Variants in VKORC1L1 observed in about 807,000 individuals in gnomAD.
VKORC1L1 encodes vitamin K epoxide reductase complex subunit 1-like protein 1.
A neutral mutation model predicts 18.9 loss-of-function variants in VKORC1L1; 2 were observed. The observed-to-expected ratio is 0.11, with a 90% confidence interval of 0.04 to 0.33. The LOEUF (loss-of-function observed/expected upper bound fraction) is 0.33. Among genes scored for constraint, VKORC1L1 ranks in the 10% least tolerant of loss-of-function variants. The pLI is 1.00. For synonymous variants in VKORC1L1, 96 were observed against 100.0 expected, an observed-to-expected ratio of 0.96 and a Z score of 0.24; for missense variants, 123 against 224.1, an observed-to-expected ratio of 0.55 and a Z score of 2.88.
intron 1 of VKORC1L1, among the ~76,000 whole-genome samples, chr7:65,886,961 T>A (rs1042180786): frequency 6.7e-6 from 1 of 148,272 alleles, no homozygotes; most frequent in Non-Finnish European, 1.5e-5. Flanking sequence ...GCTATTCTCC[T>A]GCCTCAGCCT....
chr7:65,909,690 T>TTGTGTGTGTGTG lies in VKORC1L1; in HGVS notation c.194+36162_194+36173dup, dbSNP rs56074368. On this transcript the variant is annotated intron_variant, in intron 1 of 2. Coordinates refer to ENST00000360768, the MANE Select transcript of VKORC1L1 (RefSeq NM_173517.6). The stretch of plus-strand genomic sequence containing the variant: ...AAGCTTCTAACTTTTGTTTTAGCCT[T>TTGTGTGTGTGTG]TGTGTGTGTGTGTGTGTGTGTGTGT... 7.4e-3 allele frequency among the ~76,000 whole-genome samples: 913 copies of TTGTGTGTGTGTG among 123,804 alleles called. 20 individuals carry two copies. The highest frequency in any genetic ancestry group is 0.014 in the Admixed American group (163 of 11,934). 81.2% of individuals were successfully genotyped at this position (123,804 alleles called of 152,430 possible).
intron 1 of VKORC1L1, among the ~76,000 whole-genome samples, chr7:65,882,728 T>C (rs1272726855): frequency 6.6e-6 from 1 of 152,256 alleles, no homozygotes; most frequent in Non-Finnish European, 1.5e-5. Context: ...CATTCAGTAC[T>C]ATTAGAACTG....
rs185937271 is a variant in VKORC1L1, at chr7:65,911,402, A to G, written c.195-37269A>G. ...TTGTATACATTTAGGTAGTTGGTAA[A>G]ATAGGCATAGCATTTCCCACATAAC... On this transcript the variant is annotated intron_variant, in intron 1 of 2. Transcript: ENST00000360768. 3.9e-5 allele frequency among the ~76,000 whole-genome samples: 6 copies of G among 152,326 alleles called. No individual in the cohort carries two copies. In the East Asian group the frequency reaches 1.2e-3, roughly 29 times the overall value.
At chr7:65,892,433 C>T (rs762829256) in intron 1 of VKORC1L1, among the ~76,000 whole-genome samples, 10 of 152,190 alleles carry the variant, frequency 6.6e-5, no homozygotes, top group Non-Finnish European at 1.3e-4. Flanking sequence ...ACATCCTCAC[C>T]ATCATCTCAT....
rs565189134 is a variant in VKORC1L1, at chr7:65,927,895, G to A, written c.195-20776G>A. Among the ~76,000 whole-genome samples, 4 of 152,242 alleles carry A rather than the reference G, an allele frequency of 2.6e-5. 1 individual carries two copies. Among genetic ancestry groups the A allele is most frequent in the Middle Eastern group, 6.8e-3 (2 of 294 alleles). On this transcript the variant is annotated intron_variant, in intron 1 of 2. Transcript: ENST00000360768. ...AATTATTTGGTGGGGTGGGGAGAGG[G>A]TAGTTAAGGGGGCCCCAACTGATAG...
At chr7:65,878,311 G>A (rs1183609544) in intron 1 of VKORC1L1, among the ~76,000 whole-genome samples, 2 of 152,096 alleles carry the variant, frequency 1.3e-5, no homozygotes, top group Non-Finnish European at 2.9e-5. Flanking sequence ...GCCGGGCATG[G>A]TGGTGGGCAC....
At chr7:65,877,350 C>CT (rs796646643) in intron 1 of VKORC1L1, among the ~76,000 whole-genome samples, 5,208 of 144,024 alleles carry the variant, frequency 0.036, 115 homozygotes, top group African/African-American at 0.051. Flanking sequence ...GCAGAATATT[C>CT]TTTTTTTTTT....
chr7:65,900,445 A>G (rs1296832384), intron 1 of VKORC1L1, among the ~76,000 whole-genome samples: 1 of 151,974 alleles, frequency 6.6e-6, no homozygotes, highest in African/African-American at 2.4e-5. Context: ...CACAAAACAG[A>G]TCATCATTCT....
At position 65,885,460 on chromosome 7, in the gene VKORC1L1, G is replaced by GT. The variant is rs893201155; in HGVS notation, c.194+11905dup. ...GAAAATCTTTCACATATTTATAGTT[G>GT]TTTTTTTTTTCTGGTTTAGCAAAAT... On this transcript the variant is annotated intron_variant, in intron 1 of 2. Coordinates refer to ENST00000360768, the MANE Select transcript of VKORC1L1 (RefSeq NM_173517.6). Among the ~76,000 whole-genome samples, 725 of 142,930 alleles carry GT rather than the reference G, an allele frequency of 5.1e-3. 1 individual carries two copies. Among genetic ancestry groups the GT allele is most frequent in the Non-Finnish European group, 6.9e-3 (446 of 64,876 alleles). The allele number at this position is 142,930 out of a possible 152,430, so 93.8% of individuals were successfully genotyped here.
rs1427402840 is a variant in VKORC1L1, at chr7:65,932,548, CA to C, written c.195-16119del. Among the ~76,000 whole-genome samples the C allele has an allele frequency of 2.0e-5, 3 of 152,278 alleles. No homozygotes were observed. The East Asian group carries it at 5.8e-4, about 29-fold the overall frequency. On this transcript the variant is annotated intron_variant, in intron 1 of 2. Coordinates refer to ENST00000360768, the MANE Select transcript of VKORC1L1 (RefSeq NM_173517.6). ...TAATTTGTTATATTTTTATTCAGTT[CA>C]AAATTTGTTATTTCCTTGAGACTTC...
intron 1 of VKORC1L1, among the ~76,000 whole-genome samples, chr7:65,916,132 A>AT (rs1385157314): frequency 6.6e-6 from 1 of 151,328 alleles, no homozygotes; most frequent in African/African-American, 2.4e-5. Flanking sequence ...AAAAAAAAAA[A>AT]AGAGGAAACA....
intron 1 of VKORC1L1, among the ~76,000 whole-genome samples, chr7:65,877,644 A>G (rs1320756675): frequency 6.6e-6 from 1 of 152,218 alleles, no homozygotes. Context: ...CACCGTGTCC[A>G]GCTGTAATAT....
intron 1 of VKORC1L1, among the ~76,000 whole-genome samples, chr7:65,921,901 T>A (rs1789682549): frequency 1.3e-5 from 2 of 151,982 alleles, no homozygotes; most frequent in African/African-American, 2.4e-5. Context: ...TTACCCAGGC[T>A]GGTTTCAAAC....
intron 1 of VKORC1L1, among the ~76,000 whole-genome samples, chr7:65,907,555 A>C (rs1789426519): frequency 6.6e-6 from 1 of 152,206 alleles, no homozygotes; most frequent in Non-Finnish European, 1.5e-5. Flanking sequence ...AGAAAGAGAA[A>C]TGTAGATTGC....
chr7:65,938,346 T>A (rs1562653741), intron 1 of VKORC1L1, among the ~76,000 whole-genome samples: 1 of 151,746 alleles, frequency 6.6e-6, no homozygotes, highest in Non-Finnish European at 1.5e-5. Context: ...TTTGGGAGAG[T>A]ATATCATGGT....
chr7:65,928,861 G>GTGACCACC (rs1554300760), intron 1 of VKORC1L1, among the ~76,000 whole-genome samples: 12 of 152,192 alleles, frequency 7.9e-5, no homozygotes, highest in African/African-American at 2.9e-4. Context: ...AGCAATGTGT[G>GTGACCACC]AGAGTTTCAG....
At chr7:65,945,575 G>C (rs1162423329) in intron 1 of VKORC1L1, among the ~76,000 whole-genome samples, 1 of 148,724 alleles carries the variant, frequency 6.7e-6, no homozygotes, top group Non-Finnish European at 1.5e-5. Context: ...TCGCGCCACT[G>C]CACTCCAGCC....
chr7:65,883,136 C>CTTT lies in VKORC1L1; in HGVS notation c.194+9591_194+9593dup, dbSNP rs34906605. Reference sequence around the variant, plus strand: ...TCATTATACATGTTATACATTTGAGCTTTTTTTTTTTTTTTTTTTTTTGGA... The same window carrying CTTT: ...TCATTATACATGTTATACATTTGAGCTTTTTTTTTTTTTTTTTTTTTTTTTGGA... On this transcript the variant is annotated intron_variant, in intron 1 of 2. Coordinates refer to ENST00000360768, the MANE Select transcript of VKORC1L1 (RefSeq NM_173517.6). Among the ~76,000 whole-genome samples, 337 of 109,552 alleles carry CTTT rather than the reference C, an allele frequency of 3.1e-3. 8 individuals carry two copies. Among genetic ancestry groups the CTTT allele is most frequent in the African/African-American group, 9.5e-3 (240 of 25,308 alleles). The allele number at this position is 109,552 out of a possible 152,430, so 71.9% of individuals were successfully genotyped here.
At chr7:65,916,352 C>A (rs1339348510) in intron 1 of VKORC1L1, among the ~76,000 whole-genome samples, 1 of 151,918 alleles carries the variant, frequency 6.6e-6, no homozygotes, top group Non-Finnish European at 1.5e-5. Context: ...GGTTATTATT[C>A]TTATTGACAC....
Sources: gnomAD v4.1 joint callset for allele counts (sites outside exome capture counted in the v4.1 genomes callset) on GRCh38, gnomAD v4.1.1 for gene constraint, MANE v1.5 for transcripts, NCBI Gene and HGNC (gene_info 2026-07-23, HGNC 2026-07-21) for gene names.